TRIM66: variants seen among roughly 807,000 people sequenced by gnomAD.
TRIM66 encodes tripartite motif containing 66, also known as tripartite motif-containing protein 66.
Under a neutral mutation model 148.2 loss-of-function variants are expected in TRIM66, and 99 were observed. That is an observed-to-expected ratio of 0.67 (90% CI 0.57 to 0.79). The LOEUF is 0.79. TRIM66 is among the 30% of genes least tolerant of loss of function. The probability of loss-of-function intolerance (pLI) is 0.00; values close to 1 mark genes in which losing one functional copy is unlikely to be tolerated. For missense variants in TRIM66, 1,666 were observed against 1,697.9 expected, an observed-to-expected ratio of 0.98 and a Z score of 0.33; for synonymous variants, 616 against 635.9, an observed-to-expected ratio of 0.97 and a Z score of 0.47.
chr11:8,681,886 T>A (rs766005649), intron 1 of TRIM66, among the ~76,000 whole-genome samples: 4 of 152,162 alleles, frequency 2.6e-5, no homozygotes, highest in South Asian at 2.1e-4. Flanking sequence ...GCGTGTTATG[T>A]AGATTCTGGA....
chr11:8,640,318 T>G lies in TRIM66; in HGVS notation c.2057A>C (p.Gln686Pro). The G allele has an allele frequency of 1.9e-6, 3 of 1,551,702 alleles. No homozygotes were observed. The highest frequency in any genetic ancestry group is 2.6e-6 in the Non-Finnish European group (3 of 1,147,018). The change falls in exon 14 of 25, where the codon CAG (glutamine) becomes CCG (proline). Residue 686 changes from glutamine (Q) to proline (P), a missense_variant. By Grantham distance (76) the Gln-to-Pro change is moderately conservative. Coordinates refer to ENST00000646038, the MANE Select transcript of TRIM66 (RefSeq NM_001388022.1). The stretch of plus-strand genomic sequence containing the variant: ...CCCCACAATGGTTTGCTGAAGATGC[T>G]GAGGAGATTTGGTCTGACTCAGTTG... ...SLQLSQTKSPQHLQQTIVGQI... is the reference protein window; with the variant it reads ...SLQLSQTKSPPHLQQTIVGQI...
intron 24 of TRIM66, 116 bp downstream of exon 24, chr11:8,618,634 G>A (rs767025146): frequency 1.7e-4 from 165 of 984,098 alleles, no homozygotes; most frequent in Middle Eastern, 6.3e-4. Context: ...GTGAGGGTTC[G>A]TTGTCACCAC....
chr11:8,665,843 G>A (rs1164914643), intron 6 of TRIM66, among the ~76,000 whole-genome samples: 1 of 152,010 alleles, frequency 6.6e-6, no homozygotes, highest in African/African-American at 2.4e-5. Context: ...CAGCTACTCA[G>A]GAGGCTGAGG....
intron 7 of TRIM66, among the ~76,000 whole-genome samples, chr11:8,651,220 TGAGACA>T (rs2037328159): frequency 6.6e-6 from 1 of 152,086 alleles, no homozygotes; most frequent in Admixed American, 6.6e-5. Context: ...CTGGCACATG[TGAGACA>T]TTCAACACAA....
At chr11:8,665,388 T>A (rs1017043296) in intron 6 of TRIM66, among the ~76,000 whole-genome samples, 3 of 152,236 alleles carry the variant, frequency 2.0e-5, no homozygotes, top group African/African-American at 7.2e-5. Flanking sequence ...AACTGATATC[T>A]GCCAGTCCTA....
chr11:8,666,894 C>T (rs911707924), intron 6 of TRIM66, among the ~76,000 whole-genome samples: 1 of 152,162 alleles, frequency 6.6e-6, no homozygotes, highest in Non-Finnish European at 1.5e-5. Context: ...ACTGCAACCT[C>T]CACTTCCTGG....
intron 6 of TRIM66, among the ~76,000 whole-genome samples, chr11:8,662,504 C>T (rs1502316): frequency 0.018 from 2,782 of 152,212 alleles, 87 homozygotes; most frequent in African/African-American, 0.063. Context: ...CAAGAAGCAT[C>T]GGGCTATGGT....
rs550891040 is a variant in TRIM66, at chr11:8,671,785, C to G, written c.340+1G>C. 280 of 1,285,286 alleles carry G rather than the reference C, an allele frequency of 2.2e-4. 3 individuals are homozygous for G. In the South Asian group the frequency reaches 3.4e-3, roughly 16 times the overall value. The allele number at this position is 1,285,286 out of a possible 1,614,324, so 79.6% of individuals were successfully genotyped here. ...TGAACTTGTGGTGCCTTTGTACTTA[C>G]CATCTGCAACAGTCTCATGAGCCTT... On this transcript the variant is annotated splice_donor_variant, in intron 6 of 24. Transcript: ENST00000646038. LOFTEE classifies it high-confidence loss of function.
rs2034721153 is a variant in TRIM66, at chr11:8,625,372, C to T, written c.2311-144G>A. ...GGTAGCTGCTGGTAGCTGCCAGGAACTCAGGCAATGCATGAAGCCCTGTTC... is the reference window on the plus strand; with the variant it reads ...GGTAGCTGCTGGTAGCTGCCAGGAATTCAGGCAATGCATGAAGCCCTGTTC... On this transcript the variant is annotated intron_variant, in intron 15 of 24. Transcript: ENST00000646038. 3 of 1,065,932 alleles carry T rather than the reference C, an allele frequency of 2.8e-6. No individual in the cohort carries two copies. In the East Asian group the frequency reaches 7.9e-5, roughly 28 times the overall value. 66.0% of individuals were successfully genotyped at this position (1,065,932 alleles called of 1,614,324 possible).
Position 8,649,847 on chromosome 11 carries a change from A to T in TRIM66, c.485T>A (p.Leu162His). The change falls in exon 8 of 25, where the codon CTC (leucine) becomes CAC (histidine). Residue 162 changes from leucine (L) to histidine (H), a missense_variant. Physicochemically the swap from Leu to His is moderately conservative, Grantham distance 99 (BLOSUM62 -3). Around this residue, in one of 3 missense-constraint regions of TRIM66, gnomAD observed 1,431 missense variants for 1,412.4 expected, o/e 1.01. Transcript: ENST00000646038. ...CAGCCAGCGATTGCAGTAGGTGCAGAGGATATGTGCTGCCCTCTTCTCCTT... is the reference window on the plus strand; with the variant it reads ...CAGCCAGCGATTGCAGTAGGTGCAGTGGATATGTGCTGCCCTCTTCTCCTT... The part of the protein sequence containing the change: ...ECKEKRAAHI[L>H]CTYCNRWLCS... 6.4e-7 allele frequency: 1 copy of T among 1,551,662 alleles called. No homozygotes were observed. The highest frequency in any genetic ancestry group is 8.7e-7 in the Non-Finnish European group (1 of 1,146,982).
intron 12 of TRIM66, chr11:8,644,402 A>C: frequency 2.2e-6 from 1 of 453,532 alleles, no homozygotes; most frequent in Non-Finnish European, 4.4e-6. Context: ...GCTACTTACC[A>C]ATGTTTTAAC....
In TRIM66 at chr11:8,613,113, A is replaced by G. The variant is rs1451246510; in HGVS notation, c.*4831T>C. 1 of 152,240 alleles carries G rather than the reference A, an allele frequency of 6.6e-6. No individual in the cohort carries two copies. Among genetic ancestry groups the G allele is most frequent in the Non-Finnish European group, 1.5e-5 (1 of 68,064 alleles). The allele number at this position is 152,240 out of a possible 1,614,324, so 9.4% of individuals were successfully genotyped here. On this transcript the variant is annotated 3_prime_UTR_variant, in exon 25 of 25. Coordinates refer to ENST00000646038, the MANE Select transcript of TRIM66 (RefSeq NM_001388022.1). ...TCAGGAAAAGGAAGGGACTCAGGAA[A>G]TAGAGAGACAGACAGAGGAAGCAGG...
intron 18 of TRIM66, 146 bp from the exon 19 acceptor site, chr11:8,621,965 G>T: frequency 1.1e-6 from 1 of 900,076 alleles, no homozygotes; most frequent in Non-Finnish European, 1.6e-6. Flanking sequence ...TATCCTGGGT[G>T]TGTCTGTGAT....
intron 15 of TRIM66, among the ~76,000 whole-genome samples, chr11:8,637,559 C>A (rs1348806023): frequency 6.6e-6 from 1 of 152,098 alleles, no homozygotes; most frequent in African/African-American, 2.4e-5. Flanking sequence ...TTTTGCCATC[C>A]CTTCTTTTTT....
Position 8,645,845 on chromosome 11 carries a change from G to C in TRIM66, c.1000C>G (p.Gln334Glu). The C allele has an allele frequency of 6.4e-7, 1 of 1,551,728 alleles. No homozygotes were observed. The highest frequency in any genetic ancestry group is 8.7e-7 in the Non-Finnish European group (1 of 1,147,000). Residue 334 changes from glutamine to glutamate, a missense_variant, in exon 12 of 25, where the codon CAG (glutamine) becomes GAG (glutamate). Physicochemically the swap from Gln to Glu is conservative, Grantham distance 29. This residue lies in a region of TRIM66 where 1,431 missense variants were observed against 1,412.4 expected (regional missense o/e 1.01). Coordinates refer to ENST00000646038, the MANE Select transcript of TRIM66 (RefSeq NM_001388022.1). ...ERKRKLEQQL[Q>E]SIMVLNRQFE... Reference sequence around the variant, plus strand: ...TGACGGTTGAGAACCATGATGCTCTGTAACTGCTGTTCCAGCTTCCGCTTT... The same window carrying C: ...TGACGGTTGAGAACCATGATGCTCTCTAACTGCTGTTCCAGCTTCCGCTTT...
Position 8,672,354 on chromosome 11 carries a change from T to A in TRIM66, c.-80A>T. 1 of 1,530,552 alleles carries A rather than the reference T, an allele frequency of 6.5e-7. No individual in the cohort carries two copies. The highest frequency in any genetic ancestry group is 8.7e-7 in the Non-Finnish European group (1 of 1,145,078). The allele number at this position is 1,530,552 out of a possible 1,614,324, so 94.8% of individuals were successfully genotyped here. ...AAACCCTTCAAAAGTGTCCCGTACC[T>A]GTGCCTCTCCTTATTGGTAGACAAG... On this transcript the variant is annotated 5_prime_UTR_variant, in exon 5 of 25. Coordinates refer to ENST00000646038, the MANE Select transcript of TRIM66 (RefSeq NM_001388022.1).
At position 8,621,667 on chromosome 11, in the gene TRIM66, T is replaced by G; in HGVS notation, c.3233A>C (p.Glu1078Ala). The G allele has an allele frequency of 6.5e-7, 1 of 1,543,158 alleles. No homozygotes were observed. The highest frequency in any genetic ancestry group is 1.2e-5 in the South Asian group (1 of 82,092). ...TACCTTAATGGACATGCTGGAGGAC[T>G]CAGTGCCACACTCGATGATCAGCAG... is the stretch of plus-strand genomic sequence containing the variant. ...SFLLIIECGT[E>A]SSSMSIKVSQ... Residue 1078 changes from glutamate (E) to alanine (A), a missense_variant, in exon 19 of 25, where the codon GAG (glutamate) becomes GCG (alanine). This residue lies in a region of TRIM66 where 1,431 missense variants were observed against 1,412.4 expected (regional missense o/e 1.01). Transcript: ENST00000646038.
Position 8,648,086 on chromosome 11 carries a change from C to T in TRIM66, c.726G>A (p.Arg242=). 6.4e-7 allele frequency: 1 copy of T among 1,551,246 alleles called. No homozygotes were observed. Among genetic ancestry groups the T allele is most frequent in the Non-Finnish European group, 8.7e-7 (1 of 1,146,572 alleles). The change falls in exon 10 of 25, where the codon AGG becomes AGA. Residue 242 remains arginine, a splice_region_variant and synonymous_variant. Transcript: ENST00000646038. ...SCLVVEHKEH[R]CRHVEEVLQN... ...GCAAAACTTCTTCAACATGTCTGCACCTAGGGGATGAGGCAGAGAAAAAGC... is the reference window on the plus strand; with the variant it reads ...GCAAAACTTCTTCAACATGTCTGCATCTAGGGGATGAGGCAGAGAAAAAGC...
chr11:8,619,024 TC>T, intron 23 of TRIM66, 56 bp from the exon 24 acceptor site: 1 of 1,478,566 alleles, frequency 6.8e-7, no homozygotes, highest in South Asian at 1.2e-5. Flanking sequence ...TCCATCTCTT[TC>T]GGGTCCCTCA....
Sources: gnomAD v4.1 joint callset for allele counts (sites outside exome capture counted in the v4.1 genomes callset) on GRCh38, gnomAD v4.1.1 for gene constraint, gnomAD v4.1.1 regional missense constraint, MANE v1.5 for transcripts, NCBI Gene and HGNC (gene_info 2026-07-23, HGNC 2026-07-21) for gene names.